The following CHL1 variants were observed in gnomAD, a reference collection of about 807,000 sequenced individuals.
CHL1 encodes neural cell adhesion molecule L1-like protein.
Under a neutral mutation model 141.9 loss-of-function variants are expected in CHL1, and 96 were observed. The observed-to-expected ratio is 0.68, with a 90% CI of 0.57 to 0.80. The LOEUF (loss-of-function observed/expected upper bound fraction) is 0.80. Among genes scored for constraint, CHL1 ranks in the 30% least tolerant of loss-of-function variants. CHL1 has a pLI of 0.00. For synonymous variants in CHL1, 613 were observed against 502.2 expected (o/e 1.22, Z -2.95); for missense variants, 1,820 against 1,457.2 (o/e 1.25, Z -4.05).
At position 320,965 on chromosome 3, in the gene CHL1, C is replaced by G. The variant is rs541721290; in HGVS notation, c.91+1098C>G. 2.0e-5 allele frequency among the ~76,000 whole-genome samples: 3 copies of G among 151,894 alleles called. No individual in the cohort carries two copies. In the East Asian group the frequency reaches 5.8e-4, roughly 29 times the overall value. The stretch of plus-strand genomic sequence containing the variant: ...ATTGCAGGTGATATTTGTGGATTTT[C>G]TAAATTCTAGAGAAATAATCTTGAG... On this transcript the variant is annotated intron_variant, in intron 3 of 27. Coordinates refer to ENST00000256509, the MANE Select transcript of CHL1 (RefSeq NM_006614.4).
chr3:239,167 A>G (rs112752491), intron 1 of CHL1, among the ~76,000 whole-genome samples: 10,850 of 152,166 alleles, frequency 0.071, 431 homozygotes, highest in Middle Eastern at 0.11. Flanking sequence ...CATCAATCAG[A>G]ACAGTGATGT....
intron 2 of CHL1, among the ~76,000 whole-genome samples, chr3:277,984 T>A (rs578194982): frequency 3.9e-5 from 6 of 152,354 alleles, no homozygotes; most frequent in African/African-American, 1.2e-4. Context: ...TGTATTTTAT[T>A]TTACTAGGCA....
chr3:322,982 C>T (rs528566325), intron 3 of CHL1, among the ~76,000 whole-genome samples: 1 of 152,004 alleles, frequency 6.6e-6, no homozygotes, highest in East Asian at 1.9e-4. Flanking sequence ...CCTTGGAATA[C>T]ATACTTTCTA....
At chr3:276,145 T>A (rs1238783152) in intron 2 of CHL1, among the ~76,000 whole-genome samples, 1 of 152,116 alleles carries the variant, frequency 6.6e-6, no homozygotes, top group Non-Finnish European at 1.5e-5. Context: ...ATTACTTTTA[T>A]AATATATTTT....
intron 1 of CHL1, among the ~76,000 whole-genome samples, chr3:224,498 A>G (rs929019048): frequency 6.6e-6 from 1 of 151,892 alleles, no homozygotes; most frequent in African/African-American, 2.4e-5. Context: ...TACTCATGAG[A>G]TCTGGTTGTT....
Position 313,306 on chromosome 3 carries a change from T to A in CHL1, c.-94-6377T>A, listed in dbSNP as rs531160063. ...ATTCAGAAAAAATGTCAAGGATTTT[T>A]AAAAATCACTAAAATAAAATGTGCT... is the stretch of plus-strand genomic sequence containing the variant. On this transcript the variant is annotated intron_variant, in intron 2 of 27. Coordinates refer to ENST00000256509, the MANE Select transcript of CHL1 (RefSeq NM_006614.4). Among the ~76,000 whole-genome samples, 12 of 152,314 alleles carry A rather than the reference T, an allele frequency of 7.9e-5. No homozygotes were observed. The East Asian group carries it at 9.6e-4, about 12-fold the overall frequency.
chr3:267,237 C>G (rs1001104866), intron 2 of CHL1, among the ~76,000 whole-genome samples: 2 of 152,148 alleles, frequency 1.3e-5, no homozygotes, highest in African/African-American at 4.8e-5. Flanking sequence ...GGAAGCAAGA[C>G]TTCTGTTCAA....
intron 1 of CHL1, among the ~76,000 whole-genome samples, chr3:214,366 A>G (rs188932083): frequency 1.1e-3 from 167 of 152,310 alleles, no homozygotes; most frequent in Admixed American, 2.0e-3. Context: ...GAAAAGTAAT[A>G]ATGACTTCAA....
chr3:268,202 T>A (rs895782674), intron 2 of CHL1, among the ~76,000 whole-genome samples: 1 of 152,174 alleles, frequency 6.6e-6, no homozygotes, highest in Non-Finnish European at 1.5e-5. Flanking sequence ...TAATAAAGTG[T>A]TTTAGATATT....
At chr3:316,286 C>T (rs1020251856) in intron 2 of CHL1, among the ~76,000 whole-genome samples, 2 of 151,994 alleles carry the variant, frequency 1.3e-5, no homozygotes, top group South Asian at 2.1e-4. Flanking sequence ...AAAGGAAAAC[C>T]TTACCGAGGA....
intron 1 of CHL1, among the ~76,000 whole-genome samples, chr3:233,531 T>C (rs1289772588): frequency 6.6e-6 from 1 of 152,190 alleles, no homozygotes; most frequent in Non-Finnish European, 1.5e-5. Flanking sequence ...AATATATCTA[T>C]TACATTAAGT....
In CHL1 at chr3:248,733, C is replaced by T. The variant is rs1184122822; in HGVS notation, c.-95+4041C>T. The T allele has an allele frequency of 2.0e-5, 3 of 152,160 alleles. No individual in the cohort carries two copies. In the East Asian group the frequency reaches 5.8e-4, roughly 29 times the overall value. 9.4% of individuals were successfully genotyped at this position (152,160 alleles called of 1,614,324 possible). On this transcript the variant is annotated intron_variant, in intron 2 of 27. Coordinates refer to ENST00000256509, the MANE Select transcript of CHL1 (RefSeq NM_006614.4). ...GCAGATTCATTTCATCAAAAGAAAA[C>T]AGTTCCTCAGTTGCTACTGCATTGC...
chr3:257,309 TA>T (rs1160610916), intron 2 of CHL1, among the ~76,000 whole-genome samples: 1 of 152,088 alleles, frequency 6.6e-6, no homozygotes, highest in African/African-American at 2.4e-5. Flanking sequence ...ATCATGATTT[TA>T]TAACTAATTT....
At position 391,690 on chromosome 3, in the gene CHL1, C is replaced by A; in HGVS notation, c.2807C>A (p.Thr936Asn). Residue 936 changes from threonine to asparagine, a missense_variant, in exon 23 of 28, where the codon ACT becomes AAT. Thr to Asn is a moderately conservative substitution (Grantham distance 65, BLOSUM62 0). Coordinates refer to ENST00000256509, the MANE Select transcript of CHL1 (RefSeq NM_006614.4). The stretch of plus-strand genomic sequence containing the variant: ...TGTTTTCTAGTACCTGAACAGCCAA[C>A]TTTTCTAAAGGTCATCAAAGTTGAT... ...QTPEGVPEQP[T>N]FLKVIKVDKD... The A allele has an allele frequency of 1.9e-6, 3 of 1,604,032 alleles. No individual in the cohort carries two copies. The highest frequency in any genetic ancestry group is 2.6e-6 in the Non-Finnish European group (3 of 1,175,786).
At chr3:257,339 C>CTTGTT (rs1694262840) in intron 2 of CHL1, among the ~76,000 whole-genome samples, 2 of 149,184 alleles carry the variant, frequency 1.3e-5, no homozygotes, top group Admixed American at 6.7e-5. Flanking sequence ...ATCTCCTTTT[C>CTTGTT]TTCTTTTCTT....
intron 3 of CHL1, among the ~76,000 whole-genome samples, chr3:320,242 G>GA (rs1388381979): frequency 6.6e-6 from 1 of 151,888 alleles, no homozygotes; most frequent in Non-Finnish European, 1.5e-5. Context: ...AAATTATGTC[G>GA]AAAAGGAATT....
At chr3:377,966 A>G in intron 16 of CHL1, 24 bp downstream of exon 16, 2 of 1,579,016 alleles carry the variant, frequency 1.3e-6, no homozygotes, top group Non-Finnish European at 8.6e-7. Flanking sequence ...CTAATGAGAA[A>G]TCTGTTCATT....
intron 2 of CHL1, among the ~76,000 whole-genome samples, chr3:301,460 G>C (rs975378646): frequency 8.5e-5 from 13 of 152,264 alleles, no homozygotes; most frequent in African/African-American, 2.9e-4. Flanking sequence ...AAGCAAAAGT[G>C]ACTTGTTAGA....
At position 344,636 on chromosome 3, in the gene CHL1, G is replaced by C; in HGVS notation, c.775G>C (p.Glu259Gln). ...ACCCAAACTGCTGTTGCCTCCCACT[G>C]AGAGTGGCAGTGAGTCTTCAATTAC... is the stretch of plus-strand genomic sequence containing the variant. The part of the protein sequence containing the change: ...RKPKLLLPPT[E>Q]SGSESSITIL... The change falls in exon 9 of 28, where the codon GAG (glutamate) becomes CAG (glutamine). Residue 259 changes from glutamate (E) to glutamine (Q), a missense_variant. Transcript: ENST00000256509. The C allele has an allele frequency of 6.2e-7, 1 of 1,613,058 alleles. No homozygotes were observed. Among genetic ancestry groups the C allele is most frequent in the Non-Finnish European group, 8.5e-7 (1 of 1,179,188 alleles).
Sources: gnomAD v4.1 joint callset for allele counts (sites outside exome capture counted in the v4.1 genomes callset) on GRCh38, gnomAD v4.1.1 for gene constraint, MANE v1.5 for transcripts, NCBI Gene and HGNC (gene_info 2026-07-23, HGNC 2026-07-21) for gene names.